The following PRKN variants were observed in gnomAD, a reference collection of about 807,000 sequenced individuals.
PRKN encodes parkin RBR E3 ubiquitin protein ligase.
In PRKN, 56 loss-of-function variants were observed where a neutral mutation model predicts 59.5. The observed-to-expected ratio is 0.94, with a 90% CI of 0.76 to 1.18. The LOEUF is 1.18. Among genes scored for constraint, PRKN ranks in the 50% most tolerant of loss-of-function variants. The pLI is 0.00. For synonymous variants in PRKN, 250 were observed against 222.1 expected (o/e 1.13, Z -1.12); for missense variants, 657 against 596.4 (o/e 1.10, Z -1.06).
chr6:162,377,644 C>T (rs1249315734), intron 2 of PRKN, among the ~76,000 whole-genome samples: 2 of 152,200 alleles, frequency 1.3e-5, no homozygotes, highest in Non-Finnish European at 2.9e-5. Flanking sequence ...GATGTCATGC[C>T]ATGGCCATGG....
intron 7 of PRKN, among the ~76,000 whole-genome samples, chr6:161,704,039 T>G (rs777038984): frequency 1.3e-5 from 2 of 151,698 alleles, no homozygotes; most frequent in Non-Finnish European, 1.5e-5. Context: ...TGTTTTTAGT[T>G]AAGACAGGGT....
intron 4 of PRKN, among the ~76,000 whole-genome samples, chr6:162,115,336 G>T (rs1780620798): frequency 6.7e-6 from 1 of 150,318 alleles, no homozygotes; most frequent in South Asian, 2.1e-4. Flanking sequence ...CACACTCTGG[G>T]GACTGTTGTG....
At chr6:161,897,413 G>A (rs771195266) in intron 6 of PRKN, among the ~76,000 whole-genome samples, 3 of 152,050 alleles carry the variant, frequency 2.0e-5, no homozygotes, top group Non-Finnish European at 4.4e-5. Flanking sequence ...ACTCCAAAAG[G>A]TCTAATCCAA....
At chr6:162,251,240 A>T (rs1779420415) in intron 3 of PRKN, among the ~76,000 whole-genome samples, 1 of 152,200 alleles carries the variant, frequency 6.6e-6, no homozygotes, top group African/African-American at 2.4e-5. Flanking sequence ...TGAATGATCC[A>T]GACACTCTAC....
rs190130536 is a variant in PRKN, at chr6:162,102,781, C to T, written c.535-48607G>A. ...TAACTTGCCCGGGCGCGGTGGCTCA[C>T]GCCTGTAATCCCAGCACTTTGGGAG... On this transcript the variant is annotated intron_variant, in intron 4 of 11. Coordinates refer to ENST00000366898, the MANE Select transcript of PRKN (RefSeq NM_004562.3). 3.5e-4 allele frequency among the ~76,000 whole-genome samples: 53 copies of T among 152,180 alleles called. No homozygotes were observed. The East Asian group carries it at 5.4e-3, about 16-fold the overall frequency.
chr6:162,670,152 T>C (rs983490950), intron 1 of PRKN, among the ~76,000 whole-genome samples: 4 of 152,180 alleles, frequency 2.6e-5, no homozygotes, highest in African/African-American at 9.7e-5. Flanking sequence ...CAGAACTCTA[T>C]CAATTTCAAA....
At position 161,442,948 on chromosome 6, in the gene PRKN, G is replaced by C. The variant is rs1789310029; in HGVS notation, c.1084-56071C>G. ...AAGCCATTCTCCCCAGTGCACAGAT[G>C]AGGAAATCGGGGCTCTGAGAGGTTA... is the stretch of plus-strand genomic sequence containing the variant. On this transcript the variant is annotated intron_variant, in intron 9 of 11. Coordinates refer to ENST00000366898, the MANE Select transcript of PRKN (RefSeq NM_004562.3). The surrounding 1 kb of genome is among the most constrained non-coding windows in gnomAD (Gnocchi z 4.6). 1.3e-5 allele frequency among the ~76,000 whole-genome samples: 2 copies of C among 152,204 alleles called. No homozygotes were observed. Among genetic ancestry groups the C allele is most frequent in the African/African-American group, 2.4e-5 (1 of 41,442 alleles).
At chr6:162,063,551 CTTTT>C (rs879268402) in intron 4 of PRKN, among the ~76,000 whole-genome samples, 1 of 147,282 alleles carries the variant, frequency 6.8e-6, no homozygotes, top group East Asian at 2.0e-4. Context: ...GAATTTCTTT[CTTTT>C]TTTTTTTGAT....
rs780849778 is a variant in PRKN at position 161,371,848 on chromosome 6, A to G, written c.1168-11643T>C. 1.3e-5 allele frequency among the ~76,000 whole-genome samples: 2 copies of G among 152,110 alleles called. No homozygotes were observed. Among genetic ancestry groups the G allele is most frequent in the Non-Finnish European group, 2.9e-5 (2 of 68,016 alleles). ...GAGATGGGATTTCATCACTTTGGCC[A>G]GGCTGATCTCGAATTCTTGACCTCA... On this transcript the variant is annotated intron_variant, in intron 10 of 11. Transcript: ENST00000366898. The surrounding 1 kb of genome is among the most constrained non-coding windows in gnomAD (Gnocchi z 5.5).
intron 2 of PRKN, among the ~76,000 whole-genome samples, chr6:162,338,731 A>G: frequency 6.6e-6 from 1 of 151,054 alleles, no homozygotes; most frequent in Non-Finnish European, 1.5e-5. Context: ...GGATGTGAGG[A>G]GCCCCTCTGC....
intron 1 of PRKN, among the ~76,000 whole-genome samples, chr6:162,450,961 C>T (rs1790597037): frequency 6.6e-6 from 1 of 152,136 alleles, no homozygotes; most frequent in African/African-American, 2.4e-5. Flanking sequence ...GTGTGGGGTA[C>T]ATGGGAACTC....
intron 2 of PRKN, among the ~76,000 whole-genome samples, chr6:162,373,632 A>C (rs1785889061): frequency 6.6e-6 from 1 of 152,152 alleles, no homozygotes; most frequent in Non-Finnish European, 1.5e-5. Flanking sequence ...TACTTCCTTT[A>C]TAGGAAATTC....
intron 1 of PRKN, chr6:162,568,426 G>A (rs1260438796): frequency 1.2e-5 from 7 of 588,868 alleles, no homozygotes; most frequent in Non-Finnish European, 2.2e-5. Context: ...CCACCTCTAT[G>A]GGCAGCAGCA....
chr6:162,360,275 T>C (rs182838223), intron 2 of PRKN, among the ~76,000 whole-genome samples: 2 of 152,318 alleles, frequency 1.3e-5, no homozygotes, highest in East Asian at 3.9e-4. Flanking sequence ...TCCATGGCAC[T>C]CACTTTTTTG....
chr6:162,694,361 CTG>C (rs1409892294), intron 1 of PRKN, among the ~76,000 whole-genome samples: 2 of 151,568 alleles, frequency 1.3e-5, no homozygotes, highest in Non-Finnish European at 2.9e-5. Flanking sequence ...GCAGTGATAA[CTG>C]TGGCAATCCA....
At chr6:162,072,327 T>A (rs908148438) in intron 4 of PRKN, among the ~76,000 whole-genome samples, 1 of 152,074 alleles carries the variant, frequency 6.6e-6, no homozygotes, top group South Asian at 2.1e-4. Context: ...TGAGACTCTT[T>A]GAGGGTATAT....
intron 6 of PRKN, among the ~76,000 whole-genome samples, chr6:161,798,909 G>A (rs1426673021): frequency 6.6e-6 from 1 of 152,096 alleles, no homozygotes; most frequent in Non-Finnish European, 1.5e-5. Flanking sequence ...CTGTGCTCGG[G>A]GCTCCCCCAC....
At position 162,672,679 on chromosome 6, in the gene PRKN, G is replaced by A. The variant is rs954960038; in HGVS notation, c.7+54983C>T. ...ATGCATTCATTATAGAAAGTTTTGG[G>A]GGAAAAGTGTGTGTGTGTGTGTGTG... On this transcript the variant is annotated intron_variant, in intron 1 of 11. Transcript: ENST00000366898. Among the ~76,000 whole-genome samples, 14 of 119,664 alleles carry A rather than the reference G, an allele frequency of 1.2e-4. No homozygotes were observed. In the Admixed American group the frequency reaches 1.4e-3, roughly 12 times the overall value. The allele number at this position is 119,664 out of a possible 152,430, so 78.5% of individuals were successfully genotyped here.
chr6:162,662,557 CT>C (rs1448143976), intron 1 of PRKN, among the ~76,000 whole-genome samples: 1 of 152,114 alleles, frequency 6.6e-6, no homozygotes, highest in Non-Finnish European at 1.5e-5. Flanking sequence ...AGTTTCAGGT[CT>C]TACATTTAAA....
Sources: allele counts gnomAD v4.1 joint callset (sites outside exome capture counted in the v4.1 genomes callset), GRCh38; gene constraint gnomAD v4.1.1; non-coding constraint Gnocchi (gnomAD v3.1); transcripts MANE v1.5; gene names NCBI Gene and HGNC (gene_info 2026-07-23, HGNC 2026-07-21).